WDR4: variants seen among roughly 807,000 people sequenced by gnomAD.
WDR4 encodes WDR4 tRNA N7-guanosine methyltransferase non-catalytic subunit, also known as tRNA (guanine-N(7)-)-methyltransferase non-catalytic subunit WDR4.
Under a neutral mutation model 48.6 loss-of-function variants are expected in WDR4, and 47 were observed. The ratio of observed to expected loss-of-function variants is 0.97; its 90% CI spans 0.77 to 1.23. WDR4 has a LOEUF of 1.23. Ranked by LOEUF, WDR4 falls within the 50% of genes most tolerant of loss-of-function variation. The pLI is 0.00. For missense variants in WDR4, 606 were observed against 551.6 expected (o/e 1.10, Z -0.99); for synonymous variants, 268 against 230.0 (o/e 1.17, Z -1.49).
intron 10 of WDR4, 134 bp from the exon 11 acceptor site, chr21:42,850,376 G>T (rs758210591): frequency 1.3e-6 from 1 of 774,668 alleles, no homozygotes; most frequent in Non-Finnish European, 2.0e-6. Flanking sequence ...GGCGCCTTCT[G>T]GGACGGCTCC....
intron 3 of WDR4, among the ~76,000 whole-genome samples, chr21:42,868,637 T>C (rs1276557643): frequency 6.6e-6 from 1 of 152,040 alleles, no homozygotes; most frequent in African/African-American, 2.4e-5. Context: ...TCTCCAAGAG[T>C]AGGGGCCTTG....
intron 1 of WDR4, among the ~76,000 whole-genome samples, chr21:42,877,305 G>A (rs1454541281): frequency 6.6e-6 from 1 of 151,568 alleles, no homozygotes; most frequent in Non-Finnish European, 1.5e-5. Flanking sequence ...CACCACGCCT[G>A]GCTAATTTTT....
chr21:42,862,059 A>T lies in WDR4; in HGVS notation c.566+223T>A, dbSNP rs111975791. On this transcript the variant is annotated intron_variant, in intron 5 of 10. Coordinates refer to ENST00000398208, the MANE Select transcript of WDR4 (RefSeq NM_018669.6). The surrounding 1 kb of genome is among the most constrained non-coding windows in gnomAD (Gnocchi z 4.3). ...TTCCTGTTCGGTCAGGCCCAATGCC[A>T]AGTTACTGGCACAGACTCCGGGTAA... 1.9e-3 allele frequency among the ~76,000 whole-genome samples: 286 copies of T among 152,280 alleles called. 3 individuals are homozygous for T. The highest frequency in any genetic ancestry group is 6.4e-3 in the African/African-American group (265 of 41,554).
the WDR4 span, among the ~76,000 whole-genome samples, chr21:42,886,020 C>G: frequency 0.6 from 89,588 of 148,966 alleles, 27,617 homozygotes; most frequent in African/African-American, 0.71. Context: ...ACAGTGGCAT[C>G]ATCTCGGCTC....
chr21:42,858,151 G>T (rs2058037146), intron 6 of WDR4, among the ~76,000 whole-genome samples: 1 of 152,198 alleles, frequency 6.6e-6, no homozygotes, highest in South Asian at 2.1e-4. Context: ...TAGAAAAAGT[G>T]AGCAAGAGGC....
upstream of WDR4, among the ~76,000 whole-genome samples, chr21:42,880,595 A>G (rs1704046211): frequency 6.6e-6 from 1 of 152,162 alleles, no homozygotes; most frequent in African/African-American, 2.4e-5. Flanking sequence ...CAGGCCCTAC[A>G]AGAATAAGAA....
At chr21:42,879,377 C>T (rs369838716) in intron 1 of WDR4, 30 bp downstream of exon 1, 82 of 1,607,846 alleles carry the variant, frequency 5.1e-5, no homozygotes, top group Non-Finnish European at 4.3e-6. Flanking sequence ...GCAGCCTGGT[C>T]TCCCTGTTCC....
chr21:42,867,700 T>A (rs570437698), intron 3 of WDR4, among the ~76,000 whole-genome samples: 2 of 151,992 alleles, frequency 1.3e-5, no homozygotes, highest in Non-Finnish European at 2.9e-5. Flanking sequence ...GTACTTAAAC[T>A]AGATGCACTG....
Position 42,879,451 on chromosome 21 carries a change from C to A in WDR4, c.45G>T (p.Val15=), listed in dbSNP as rs2058581502. The A allele has an allele frequency of 6.2e-7, 1 of 1,613,694 alleles. No homozygotes were observed. Among genetic ancestry groups the A allele is most frequent in the African/African-American group, 1.3e-5 (1 of 74,922 alleles). ...VGLALCGQTL[V]VRGGSRFLAT... Reference sequence around the variant, plus strand: ...CCAGGAATCGGCTGCCGCCCCGCACCACCAACGTCTGCCCGCACAACGCCA... The same window carrying A: ...CCAGGAATCGGCTGCCGCCCCGCACAACCAACGTCTGCCCGCACAACGCCA... Residue 15 remains valine, a synonymous_variant, in exon 1 of 11, where the codon GTG becomes GTT. Coordinates refer to ENST00000398208, the MANE Select transcript of WDR4 (RefSeq NM_018669.6).
chr21:42,881,682 T>C (rs536298067), upstream of WDR4, among the ~76,000 whole-genome samples: 3 of 152,350 alleles, frequency 2.0e-5, no homozygotes, highest in South Asian at 4.1e-4. Flanking sequence ...TCCAGACTTC[T>C]AGTCCAAAGC....
the WDR4 span, among the ~76,000 whole-genome samples, chr21:42,892,692 A>C: frequency 6.6e-6 from 1 of 152,168 alleles, no homozygotes; most frequent in Non-Finnish European, 1.5e-5. Context: ...TTGGGGACGA[A>C]CTCTTTGCTA....
intron 10 of WDR4, among the ~76,000 whole-genome samples, chr21:42,851,565 TG>T (rs768923128): frequency 1.9e-4 from 29 of 152,210 alleles, no homozygotes; most frequent in Non-Finnish European, 2.8e-4. Flanking sequence ...GATTCCATGC[TG>T]GGCTAATCCA....
intron 11 of WDR4, among the ~76,000 whole-genome samples, chr21:42,844,141 T>C (rs2057690314): frequency 6.6e-6 from 1 of 151,910 alleles, no homozygotes; most frequent in Non-Finnish European, 1.5e-5. Flanking sequence ...AAACGCAAAC[T>C]GAAGAAGATG....
downstream of WDR4, among the ~76,000 whole-genome samples, chr21:42,844,297 AAC>A (rs1465303239): frequency 6.6e-6 from 1 of 152,098 alleles, no homozygotes; most frequent in African/African-American, 2.4e-5. Flanking sequence ...AAACCCCCAA[AAC>A]ACACACACAT....
intron 10 of WDR4, among the ~76,000 whole-genome samples, chr21:42,851,094 T>C (rs1246811472): frequency 6.6e-6 from 1 of 152,218 alleles, no homozygotes; most frequent in African/African-American, 2.4e-5. Flanking sequence ...GCTCTATCTA[T>C]GGAACATCTC....
chr21:42,853,803 T>A, intron 8 of WDR4, 51 bp from the exon 9 acceptor site: 1 of 1,513,328 alleles, frequency 6.6e-7, no homozygotes, highest in Non-Finnish European at 8.9e-7. Flanking sequence ...GCCCACGGGC[T>A]CCGCTCTGCA....
At chr21:42,845,348 CGTCAACATATATGG>C (rs11268613), downstream of WDR4, among the ~76,000 whole-genome samples, 28,801 of 152,194 alleles carry the variant, frequency 0.19, 3,668 homozygotes, top group African/African-American at 0.37. Context: ...AAACGTATCA[CGTCAACATATATGG>C]GGTACAGGAA....
upstream of WDR4, among the ~76,000 whole-genome samples, chr21:42,881,473 G>C (rs2058610374): frequency 6.6e-6 from 1 of 152,168 alleles, no homozygotes; most frequent in South Asian, 2.1e-4. Context: ...AAGAAACACA[G>C]GTTAATCTCA....
At chr21:42,857,493 C>T (rs996848804) in intron 6 of WDR4, among the ~76,000 whole-genome samples, 1 of 152,120 alleles carries the variant, frequency 6.6e-6, no homozygotes, top group Non-Finnish European at 1.5e-5. Context: ...GCCAGACATC[C>T]GAGGAAAACC....
Sources: gnomAD v4.1 joint callset for allele counts (sites outside exome capture counted in the v4.1 genomes callset) on GRCh38, gnomAD v4.1.1 for gene constraint, Gnocchi (gnomAD v3.1) non-coding constraint, MANE v1.5 for transcripts, NCBI Gene and HGNC (gene_info 2026-07-23, HGNC 2026-07-21) for gene names.